The following GPC5 variants were observed in gnomAD, a reference collection of about 807,000 sequenced individuals.
The protein encoded by GPC5 is glypican-5.
A neutral mutation model predicts 53.9 loss-of-function variants in GPC5; 47 were observed. The observed-to-expected ratio is 0.87, with a 90% CI of 0.69 to 1.11. The LOEUF is 1.11. Ranked by LOEUF, GPC5 falls within the 50% of genes most tolerant of loss-of-function variation. The pLI, the probability that GPC5 is intolerant of heterozygous loss-of-function variation, is 0.00. For synonymous variants in GPC5, 286 were observed against 263.3 expected, an observed-to-expected ratio of 1.09 and a Z score of -0.84; for missense variants, 748 against 713.1, an observed-to-expected ratio of 1.05 and a Z score of -0.56.
intron 6 of GPC5, among the ~76,000 whole-genome samples, chr13:91,990,958 A>G (rs74892978): frequency 0.026 from 3,966 of 152,332 alleles, 175 homozygotes; most frequent in African/African-American, 0.09. Context: ...GTTTACCGAA[A>G]TTATGGTAGT....
intron 7 of GPC5, among the ~76,000 whole-genome samples, chr13:92,313,360 T>A (rs1401867595): frequency 4.6e-5 from 7 of 152,180 alleles, no homozygotes; most frequent in Non-Finnish European, 1.0e-4. Context: ...AAAATCTCCA[T>A]CTATCCAGTA....
chr13:92,306,767 A>T (rs1680991820), intron 7 of GPC5, among the ~76,000 whole-genome samples: 1 of 152,156 alleles, frequency 6.6e-6, no homozygotes, highest in African/African-American at 2.4e-5. Context: ...GTTACTGTGC[A>T]TCTCCTGTGC....
At chr13:91,413,175 G>C (rs1007938300) in intron 1 of GPC5, among the ~76,000 whole-genome samples, 9 of 152,166 alleles carry the variant, frequency 5.9e-5, no homozygotes, top group Non-Finnish European at 1.2e-4. Context: ...TAGCTAATCA[G>C]GTAGCTGAGG....
intron 7 of GPC5, among the ~76,000 whole-genome samples, chr13:92,802,544 A>C (rs1394252371): frequency 4.6e-5 from 7 of 151,922 alleles, no homozygotes; most frequent in Non-Finnish European, 8.8e-5. Flanking sequence ...ACTTGGAACC[A>C]ACCCAAATGT....
intron 7 of GPC5, among the ~76,000 whole-genome samples, chr13:92,837,500 C>T (rs546956562): frequency 6.6e-6 from 1 of 152,110 alleles, no homozygotes; most frequent in Non-Finnish European, 1.5e-5. Flanking sequence ...GGGGTTCAAA[C>T]AGCAGACTGA....
At chr13:92,847,296 A>T (rs1374820241) in intron 7 of GPC5, among the ~76,000 whole-genome samples, 1 of 152,046 alleles carries the variant, frequency 6.6e-6, no homozygotes, top group Non-Finnish European at 1.5e-5. Context: ...CTGCAGGAAA[A>T]CTTAGTTTAC....
At chr13:92,495,418 A>G (rs1879934036) in intron 7 of GPC5, among the ~76,000 whole-genome samples, 1 of 152,132 alleles carries the variant, frequency 6.6e-6, no homozygotes, top group South Asian at 2.1e-4. Flanking sequence ...AGCATACCAT[A>G]TGGGAATCCT....
chr13:91,640,742 T>C lies in GPC5; in HGVS notation c.326-52445T>C, dbSNP rs550406641. Among the ~76,000 whole-genome samples the C allele has an allele frequency of 4.7e-5, 7 of 150,228 alleles. No homozygotes were observed. The South Asian group carries it at 1.5e-3, about 32-fold the overall frequency. On this transcript the variant is annotated intron_variant, in intron 2 of 7. Coordinates refer to ENST00000377067, the MANE Select transcript of GPC5 (RefSeq NM_004466.6). ...TGAACCTGGGAGGTGGAGGTTGCAG[T>C]GAGCCAAGATCGCACCACTGCACTC... is the stretch of plus-strand genomic sequence containing the variant.
chr13:92,330,153 C>T (rs527256332), intron 7 of GPC5, among the ~76,000 whole-genome samples: 5 of 152,146 alleles, frequency 3.3e-5, no homozygotes, highest in East Asian at 1.9e-4. Context: ...ATGTGTTTAG[C>T]GATAGGTTGG....
intron 2 of GPC5, among the ~76,000 whole-genome samples, chr13:91,451,455 G>T (rs1951903): frequency 0.055 from 8,314 of 152,074 alleles, 276 homozygotes; most frequent in East Asian, 0.14. Flanking sequence ...TGAAGGCTGG[G>T]AGGTTAAAAA....
intron 7 of GPC5, among the ~76,000 whole-genome samples, chr13:92,568,307 A>G (rs1882921194): frequency 6.6e-6 from 1 of 152,224 alleles, no homozygotes; most frequent in Non-Finnish European, 1.5e-5. Flanking sequence ...AATTCTAAGT[A>G]TGCCTGCTAG....
intron 6 of GPC5, among the ~76,000 whole-genome samples, chr13:91,986,867 G>C (rs2040412865): frequency 7.1e-6 from 1 of 141,080 alleles, no homozygotes; most frequent in South Asian, 2.1e-4. Context: ...GTTTAAGCCA[G>C]AGCTAATTTT....
intron 4 of GPC5, among the ~76,000 whole-genome samples, chr13:91,741,254 T>C (rs1418363597): frequency 6.6e-6 from 1 of 152,224 alleles, no homozygotes; most frequent in Non-Finnish European, 1.5e-5. Flanking sequence ...ATTGAAATAT[T>C]ATATCATTAG....
chr13:92,590,765 T>C (rs1883688027), intron 7 of GPC5, among the ~76,000 whole-genome samples: 1 of 152,240 alleles, frequency 6.6e-6, no homozygotes, highest in East Asian at 1.9e-4. Flanking sequence ...CATTGTTTTG[T>C]TTCCTTGTTG....
chr13:92,803,051 C>T (rs551377506), intron 7 of GPC5, among the ~76,000 whole-genome samples: 1 of 151,856 alleles, frequency 6.6e-6, no homozygotes, highest in South Asian at 2.1e-4. Context: ...GACCCATTCC[C>T]CCAAATTTTA....
At position 92,494,095 on chromosome 13, in the gene GPC5, G is replaced by GT. The variant is rs1464502034; in HGVS notation, c.1561+349110dup. Reference sequence around the variant, plus strand: ...TTGTTTGTTTGTTTTGTTTTGTTTTGTTTTGTTTTTTTGAGACGGAGTCTC... The same window carrying GT: ...TTGTTTGTTTGTTTTGTTTTGTTTTGTTTTTGTTTTTTTGAGACGGAGTCTC... On this transcript the variant is annotated intron_variant, in intron 7 of 7. Transcript: ENST00000377067. Among the ~76,000 whole-genome samples, 54 of 95,292 alleles carry GT rather than the reference G, an allele frequency of 5.7e-4. 1 individual carries two copies. The highest frequency in any genetic ancestry group is 1.8e-3 in the African/African-American group (54 of 30,596). 62.5% of individuals were successfully genotyped at this position (95,292 alleles called of 152,430 possible). A position where few individuals can be genotyped will look rare whatever the true frequency, so the allele number is the denominator to read the frequency against.
At chr13:92,009,402 C>G (rs1594721452) in intron 6 of GPC5, among the ~76,000 whole-genome samples, 1 of 151,820 alleles carries the variant, frequency 6.6e-6, no homozygotes. Flanking sequence ...AGCCTTTGTT[C>G]TGAGGCTAGT....
At chr13:91,832,798 C>G (rs1339006936) in intron 5 of GPC5, among the ~76,000 whole-genome samples, 1 of 151,964 alleles carries the variant, frequency 6.6e-6, no homozygotes, top group Non-Finnish European at 1.5e-5. Flanking sequence ...CAGGAAAGAT[C>G]TAAAATTGAC....
chr13:92,806,939 G>C (rs1239629213), intron 7 of GPC5, among the ~76,000 whole-genome samples: 2 of 152,120 alleles, frequency 1.3e-5, no homozygotes, highest in East Asian at 3.9e-4. Flanking sequence ...CTTGCTGGAT[G>C]CAAGGTGACC....
Sources: gnomAD v4.1 joint callset for allele counts (sites outside exome capture counted in the v4.1 genomes callset) on GRCh38, gnomAD v4.1.1 for gene constraint, MANE v1.5 for transcripts, NCBI Gene and HGNC (gene_info 2026-07-23, HGNC 2026-07-21) for gene names.